Variants in LYPD6B observed in about 807,000 individuals in gnomAD.
LYPD6B encodes the protein ly6/PLAUR domain-containing protein 6B.
In LYPD6B, 17 loss-of-function variants were observed where a neutral mutation model predicts 22.8. The ratio of observed to expected loss-of-function variants is 0.75; its 90% CI spans 0.51 to 1.12. LYPD6B has a LOEUF of 1.12. Ranked by LOEUF, LYPD6B falls within the 50% of genes most tolerant of loss-of-function variation. LYPD6B has a pLI of 0.00. For synonymous variants in LYPD6B, 106 were observed against 91.6 expected (o/e 1.16, Z -0.90); for missense variants, 221 against 258.3 (o/e 0.86, Z 0.99).
chr2:149,066,357 T>C (rs1684332942), intron 1 of LYPD6B, among the ~76,000 whole-genome samples: 1 of 148,836 alleles, frequency 6.7e-6, no homozygotes, highest in South Asian at 2.2e-4. Context: ...CCCCGGTGTG[T>C]GATGTTCCCC....
intron 1 of LYPD6B, among the ~76,000 whole-genome samples, chr2:149,108,789 T>A (rs1257151911): frequency 2.6e-5 from 4 of 152,214 alleles, no homozygotes; most frequent in Non-Finnish European, 5.9e-5. Context: ...CTGGCTTCTT[T>A]TGGATTGAGT....
chr2:149,053,858 T>G (rs2105295166), intron 1 of LYPD6B, among the ~76,000 whole-genome samples: 1 of 152,364 alleles, frequency 6.6e-6, no homozygotes, highest in South Asian at 2.1e-4. Context: ...CTCTTGTGTC[T>G]GGTTTCTTTC....
At chr2:149,112,305 A>G (rs1448591629) in intron 1 of LYPD6B, among the ~76,000 whole-genome samples, 1 of 152,194 alleles carries the variant, frequency 6.6e-6, no homozygotes, top group Non-Finnish European at 1.5e-5. Flanking sequence ...TTTGCCCTTT[A>G]TAACTTTATA....
intron 1 of LYPD6B, among the ~76,000 whole-genome samples, chr2:149,092,198 GA>G (rs755373829): frequency 1.3e-5 from 2 of 151,974 alleles, no homozygotes; most frequent in Non-Finnish European, 2.9e-5. Context: ...GATGGGGGGG[GA>G]ATTTTAGATG....
chr2:149,207,169 C>G lies in LYPD6B; in HGVS notation c.230-1145C>G, dbSNP rs989586018. On this transcript the variant is annotated intron_variant, in intron 4 of 6. Coordinates refer to ENST00000409642, the MANE Select transcript of LYPD6B (RefSeq NM_177964.5). ...AAAATGGATGTCATTATTTATTTTC[C>G]TGCTGATACACTTTTGAACATAGGC... Among the ~76,000 whole-genome samples, 6 of 152,050 alleles carry G rather than the reference C, an allele frequency of 3.9e-5. 1 individual carries two copies. Among genetic ancestry groups the G allele is most frequent in the Non-Finnish European group, 8.8e-5 (6 of 67,952 alleles).
At chr2:149,130,656 A>G (rs1687970599) in intron 1 of LYPD6B, among the ~76,000 whole-genome samples, 1 of 152,188 alleles carries the variant, frequency 6.6e-6, no homozygotes, top group South Asian at 2.1e-4. Flanking sequence ...AAAAATGTGT[A>G]TCCATTCCAT....
chr2:149,164,591 A>G (rs1300561315), intron 3 of LYPD6B, among the ~76,000 whole-genome samples: 2 of 152,192 alleles, frequency 1.3e-5, no homozygotes, highest in African/African-American at 4.8e-5. Context: ...TCTATTGCAG[A>G]CTAAAAGGAA....
chr2:149,081,547 C>T (rs1465544617), intron 1 of LYPD6B, among the ~76,000 whole-genome samples: 1 of 152,132 alleles, frequency 6.6e-6, no homozygotes, highest in Non-Finnish European at 1.5e-5. Context: ...CCTTACAACC[C>T]CATTGCCTGT....
chr2:149,042,132 A>G (rs1230025745), intron 1 of LYPD6B, among the ~76,000 whole-genome samples: 1 of 152,236 alleles, frequency 6.6e-6, no homozygotes, highest in Non-Finnish European at 1.5e-5. Context: ...ACAGGCTGGG[A>G]CTTGGTGAAG....
intron 2 of LYPD6B, among the ~76,000 whole-genome samples, chr2:149,137,663 A>G (rs1688450444): frequency 6.6e-6 from 1 of 152,216 alleles, no homozygotes; most frequent in Non-Finnish European, 1.5e-5. Flanking sequence ...TAAATATGCC[A>G]GGGCTTATTT....
chr2:149,060,741 A>G (rs1044236509), intron 1 of LYPD6B, among the ~76,000 whole-genome samples: 7 of 152,084 alleles, frequency 4.6e-5, no homozygotes, highest in Non-Finnish European at 8.8e-5. Context: ...CCAGAATTAT[A>G]TTGCTCTCCT....
At chr2:149,212,380 CAAAAA>C (rs386391473) in intron 5 of LYPD6B, among the ~76,000 whole-genome samples, 8,709 of 59,718 alleles carry the variant, frequency 0.15, 219 homozygotes, top group Admixed American at 0.2. Context: ...GACTCCGTCT[CAAAAA>C]AAAAAAAAAA....
rs35671707 is a variant in LYPD6B at position 149,173,178 on chromosome 2, GTTT to G, written c.77+12352_77+12354del. Among the ~76,000 whole-genome samples the G allele has an allele frequency of 8.9e-3, 1,331 of 149,608 alleles. 6 individuals carry two copies. Among genetic ancestry groups the G allele is most frequent in the South Asian group, 0.012 (58 of 4,704 alleles). On this transcript the variant is annotated intron_variant, in intron 3 of 6. Transcript: ENST00000409642. The stretch of plus-strand genomic sequence containing the variant: ...CTTTAAGCAGCAGCACTATTACTGT[GTTT>G]TTTTTTTTAAAAAAAGACATGGTGT...
chr2:149,141,332 G>A (rs527750904), intron 2 of LYPD6B, among the ~76,000 whole-genome samples: 2 of 152,176 alleles, frequency 1.3e-5, no homozygotes, highest in Admixed American at 1.3e-4. Context: ...TGGAGTACAG[G>A]GGGGAGAGAA....
chr2:149,108,604 C>T (rs914559804), intron 1 of LYPD6B, among the ~76,000 whole-genome samples: 2 of 152,102 alleles, frequency 1.3e-5, no homozygotes. Flanking sequence ...AAGTGTGTTT[C>T]CTATAGGCAG....
At chr2:149,049,357 G>A (rs1558967457) in intron 1 of LYPD6B, among the ~76,000 whole-genome samples, 1 of 151,194 alleles carries the variant, frequency 6.6e-6, no homozygotes, top group Non-Finnish European at 1.5e-5. Flanking sequence ...GCATGCACAT[G>A]CACACACACA....
At position 149,188,535 on chromosome 2, in the gene LYPD6B, A is replaced by T. The variant is rs1050274887; in HGVS notation, c.78-16718A>T. On this transcript the variant is annotated intron_variant, in intron 3 of 6. Transcript: ENST00000409642. ...AATAAATATTGCCTTTGAGGAAGAC[A>T]TACAAATTTGCCAAAGAAAGGAATG... is the stretch of plus-strand genomic sequence containing the variant. 10 of 158,980 alleles carry T rather than the reference A, an allele frequency of 6.3e-5. No individual in the cohort carries two copies. In the Admixed American group the frequency reaches 6.5e-4, roughly 10 times the overall value. The allele number at this position is 158,980 out of a possible 1,614,324, so 9.8% of individuals were successfully genotyped here. A position where few individuals can be genotyped will look rare whatever the true frequency, so the allele number is the denominator to read the frequency against.
chr2:149,160,942 T>A (rs1690025443), intron 3 of LYPD6B, 107 bp downstream of exon 3: 9 of 823,460 alleles, frequency 1.1e-5, no homozygotes, highest in Non-Finnish European at 1.8e-5. Flanking sequence ...GTTTTTCCCA[T>A]CTCCTTGGCA....
chr2:149,133,085 A>C (rs985811818), intron 2 of LYPD6B, among the ~76,000 whole-genome samples: 1 of 152,112 alleles, frequency 6.6e-6, no homozygotes, highest in Admixed American at 6.6e-5. Context: ...AGCCAGACTT[A>C]AGATTTAAAG....
Sources: gnomAD v4.1 joint callset for allele counts (sites outside exome capture counted in the v4.1 genomes callset) on GRCh38, gnomAD v4.1.1 for gene constraint, MANE v1.5 for transcripts, NCBI Gene and HGNC (gene_info 2026-07-23, HGNC 2026-07-21) for gene names.